Variants in ANTXRL observed in about 807,000 individuals in gnomAD.
ANTXRL encodes the protein anthrax toxin receptor-like.
A neutral mutation model predicts 75.4 loss-of-function variants in ANTXRL; 63 were observed. The ratio of observed to expected loss-of-function variants is 0.84; its 90% CI spans 0.68 to 1.03. The LOEUF (loss-of-function observed/expected upper bound fraction) is 1.03. Among genes scored for constraint, ANTXRL ranks in the 50% least tolerant of loss-of-function variants. The pLI, the probability that ANTXRL is intolerant of heterozygous loss-of-function variation, is 0.00. For missense variants in ANTXRL, 797 were observed against 789.4 expected (o/e 1.01, Z -0.12); for synonymous variants, 335 against 291.3 (o/e 1.15, Z -1.53).
At chr10:46,294,684 T>G (rs2132671441) in intron 3 of ANTXRL, among the ~76,000 whole-genome samples, 1 of 151,796 alleles carries the variant, frequency 6.6e-6, no homozygotes, top group African/African-American at 2.4e-5. Flanking sequence ...AGAGACTGGG[T>G]GGGTGTGAGG....
intron 12 of ANTXRL, 31 bp from the exon 13 acceptor site, chr10:46,309,082 G>T: frequency 1.3e-6 from 2 of 1,535,468 alleles, no homozygotes; most frequent in Non-Finnish European, 1.7e-6. Context: ...GGCCACCGAG[G>T]CCCTCCTATG....
chr10:46,318,507 C>T lies in ANTXRL; in HGVS notation c.1410+5191C>T, dbSNP rs181991510. 5.1e-4 allele frequency among the ~76,000 whole-genome samples: 76 copies of T among 150,022 alleles called. 2 individuals carry two copies. The East Asian group carries it at 0.011, about 23-fold the overall frequency. ...ATTTGATCAAAACGACAAGTTCACT[C>T]GAAAAAAATAGACAGTTAAGAATCA... On this transcript the variant is annotated intron_variant, in intron 16 of 16. Transcript: ENST00000620264.
chr10:46,329,465 G>A, intron 16 of ANTXRL, 134 bp from the exon 17 acceptor site: 1 of 1,161,530 alleles, frequency 8.6e-7, no homozygotes, highest in Non-Finnish European at 1.2e-6. Context: ...GGGGAGAGAG[G>A]AGGAGCACAG....
In ANTXRL at chr10:46,292,093, A is replaced by G; in HGVS notation, c.284A>G (p.Tyr95Cys). The G allele has an allele frequency of 6.5e-7, 1 of 1,536,262 alleles. No individual in the cohort carries two copies. The highest frequency in any genetic ancestry group is 8.7e-7 in the Non-Finnish European group (1 of 1,146,822). ...GSVNNNWIDL[Y>C]MWVEETVARF... ...GTGAACAATAACTGGATTGACCTTTATATGTGGGTGGAGGAAACAGTGGCG... is the reference window on the plus strand; with the variant it reads ...GTGAACAATAACTGGATTGACCTTTGTATGTGGGTGGAGGAAACAGTGGCG... The change falls in exon 2 of 17, where the codon TAT (tyrosine) becomes TGT (cysteine). Residue 95 changes from tyrosine (Y) to cysteine (C), a missense_variant. Coordinates refer to ENST00000620264, the MANE Select transcript of ANTXRL (RefSeq NM_001278688.3).
chr10:46,293,298 C>CTG (rs201339323), intron 2 of ANTXRL, among the ~76,000 whole-genome samples: 13 of 41,280 alleles, frequency 3.1e-4, no homozygotes, highest in African/African-American at 5.3e-4. Context: ...GCGTGTGTGC[C>CTG]TGTGTGTGTG....
At chr10:46,310,315 T>C (rs1838348631) in intron 13 of ANTXRL, 146 bp from the exon 14 acceptor site, 2 of 777,496 alleles carry the variant, frequency 2.6e-6, no homozygotes, top group Non-Finnish European at 4.3e-6. Context: ...CGGGTACAAG[T>C]TCACAGGCTC....
intron 15 of ANTXRL, 120 bp from the exon 16 acceptor site, chr10:46,313,116 A>G (rs1229051366): frequency 1.1e-6 from 1 of 884,950 alleles, no homozygotes; most frequent in Non-Finnish European, 1.8e-6. Flanking sequence ...CCAGAGGGGG[A>G]TGGGAGCTTT....
intron 12 of ANTXRL, among the ~76,000 whole-genome samples, chr10:46,308,302 A>G (rs1838212506): frequency 6.6e-6 from 1 of 152,030 alleles, no homozygotes; most frequent in Admixed American, 6.5e-5. Flanking sequence ...ACACATCAGG[A>G]GCAGCCATGG....
In ANTXRL at chr10:46,300,577, T is replaced by A. The variant is rs34649345; in HGVS notation, c.797-2145T>A. On this transcript the variant is annotated intron_variant, in intron 9 of 16. Transcript: ENST00000620264. ...ACCCCCAGGCCCTCCAGGGTCCACT[T>A]CCTGTTCTGGGCGCCCTGTGCAGAG... Among the ~76,000 whole-genome samples, 54 of 150,598 alleles carry A rather than the reference T, an allele frequency of 3.6e-4. No homozygotes were observed. The East Asian group carries it at 0.01, about 29-fold the overall frequency.
chr10:46,301,730 G>C (rs1350923582), intron 9 of ANTXRL, among the ~76,000 whole-genome samples: 3 of 152,196 alleles, frequency 2.0e-5, no homozygotes, highest in East Asian at 1.9e-4. Flanking sequence ...AAAGCATGTC[G>C]GTAGGCCAAC....
chr10:46,321,156 T>G (rs1723058872), intron 16 of ANTXRL, among the ~76,000 whole-genome samples: 1 of 152,168 alleles, frequency 6.6e-6, no homozygotes, highest in Non-Finnish European at 1.5e-5. Flanking sequence ...TTTCTTCATT[T>G]TTTTGGTTTT....
chr10:46,299,008 T>C (rs1241106241), intron 9 of ANTXRL, among the ~76,000 whole-genome samples: 2 of 151,920 alleles, frequency 1.3e-5, no homozygotes, highest in Non-Finnish European at 2.9e-5. Flanking sequence ...TAAGTTTAAC[T>C]CTAAAGCAAG....
intron 3 of ANTXRL, 78 bp downstream of exon 3, chr10:46,293,978 G>A (rs868989859): frequency 9.7e-5 from 132 of 1,364,440 alleles, no homozygotes; most frequent in South Asian, 1.9e-4. Context: ...AAGGGCTCCC[G>A]GAGACCTTGG....
At chr10:46,306,471 T>C (rs546683120) in intron 10 of ANTXRL, among the ~76,000 whole-genome samples, 14 of 152,268 alleles carry the variant, frequency 9.2e-5, no homozygotes, top group African/African-American at 3.1e-4. Flanking sequence ...CCTCTCTGGT[T>C]CCCTCACCTC....
chr10:46,307,882 C>T lies in ANTXRL; in HGVS notation c.1044+402C>T, dbSNP rs73291023. ...TTCAGCCCCCTTTCTGCCTCTCCTCCTTGCTCAGGCCCCTGAGATGTCCCT... is the reference window on the plus strand; with the variant it reads ...TTCAGCCCCCTTTCTGCCTCTCCTCTTTGCTCAGGCCCCTGAGATGTCCCT... On this transcript the variant is annotated intron_variant, in intron 12 of 16. Coordinates refer to ENST00000620264, the MANE Select transcript of ANTXRL (RefSeq NM_001278688.3). Among the ~76,000 whole-genome samples the T allele has an allele frequency of 8.9e-3, 1,359 of 152,270 alleles. 35 individuals are homozygous for T. The highest frequency in any genetic ancestry group is 0.031 in the African/African-American group (1,288 of 41,516).
chr10:46,328,097 A>G (rs557960326), intron 16 of ANTXRL, among the ~76,000 whole-genome samples: 4 of 152,192 alleles, frequency 2.6e-5, no homozygotes, highest in African/African-American at 7.2e-5. Flanking sequence ...ACTTCCCACA[A>G]TGGGCTCAGC....
intron 16 of ANTXRL, among the ~76,000 whole-genome samples, chr10:46,313,588 A>G (rs1554964088): frequency 6.6e-6 from 1 of 152,140 alleles, no homozygotes; most frequent in Admixed American, 6.5e-5. Context: ...AACAGGGAAT[A>G]AGGATTCCTT....
Position 46,292,128 on chromosome 10 carries a change from A to C in ANTXRL, c.319A>C (p.Ser107Arg), listed in dbSNP as rs1554956681. 1 of 1,536,110 alleles carries C rather than the reference A, an allele frequency of 6.5e-7. No individual in the cohort carries two copies. Reference protein sequence around the residue: ...WVEETVARFQSPNIRMCFITY... With the variant: ...WVEETVARFQRPNIRMCFITY... ...GGAGGAAACAGTGGCGAGGTTCCAA[A>C]GGTACAGATCTCTGCATGGCAGCCT... The change falls in exon 2 of 17, where the codon AGC becomes CGC. Residue 107 changes from serine to arginine, a missense_variant and splice_region_variant. Physicochemically the swap from Ser to Arg is moderately radical, Grantham distance 110. Coordinates refer to ENST00000620264, the MANE Select transcript of ANTXRL (RefSeq NM_001278688.3).
At chr10:46,298,113 CATGCGTG>C in intron 9 of ANTXRL, 51 bp downstream of exon 9, 1 of 1,231,498 alleles carries the variant, frequency 8.1e-7, no homozygotes, top group Non-Finnish European at 1.1e-6. Context: ...TGCATGAGTG[CATGCGTG>C]TATGGAGTGT....
Sources: gnomAD v4.1 joint callset for allele counts (sites outside exome capture counted in the v4.1 genomes callset) on GRCh38, gnomAD v4.1.1 for gene constraint, MANE v1.5 for transcripts, NCBI Gene and HGNC (gene_info 2026-07-23, HGNC 2026-07-21) for gene names.